The following SFSWAP variants were observed in gnomAD, a reference collection of about 807,000 sequenced individuals.
The protein encoded by SFSWAP is splicing factor, suppressor of white-apricot homolog.
A neutral mutation model predicts 100.7 loss-of-function variants in SFSWAP; 17 were observed. The ratio of observed to expected loss-of-function variants is 0.17; its 90% CI spans 0.12 to 0.25. The LOEUF is 0.25. Among genes scored for constraint, SFSWAP ranks in the 10% least tolerant of loss-of-function variants. SFSWAP has a pLI of 1.00. For synonymous variants in SFSWAP, 504 were observed against 510.1 expected (o/e 0.99, Z 0.16); for missense variants, 1,005 against 1,262.6 (o/e 0.80, Z 3.09).
At chr12:131,795,654 T>G (rs985698966) in intron 15 of SFSWAP, among the ~76,000 whole-genome samples, 1 of 151,736 alleles carries the variant, frequency 6.6e-6, no homozygotes, top group Admixed American at 6.6e-5. Context: ...TTGGGGTAAC[T>G]GGGCCTGTGC....
At chr12:131,757,026 G>A (rs1017912462) in intron 11 of SFSWAP, 2 of 173,796 alleles carry the variant, frequency 1.2e-5, no homozygotes, top group African/African-American at 2.4e-5. Flanking sequence ...ATCTCTACCA[G>A]GCAATACTTC....
chr12:131,725,771 GTC>G lies in SFSWAP; in HGVS notation c.832+143_832+144del. The G allele has an allele frequency of 1.5e-6, 1 of 660,666 alleles. No homozygotes were observed. Among genetic ancestry groups the G allele is most frequent in the Admixed American group, 2.4e-5 (1 of 41,416 alleles). 40.9% of individuals were successfully genotyped at this position (660,666 alleles called of 1,614,324 possible). On this transcript the variant is annotated intron_variant, in intron 5 of 17. Transcript: ENST00000261674. This position sits in a 1 kb window ranked among gnomAD's most constrained non-coding sequence, Gnocchi z 4.3. ...AGCCAGACTCGAATTTCTAGAATGT[GTC>G]TGAAATCCTGCAGCTAAGGCGTGAT...
At chr12:131,738,908 T>TTTTTTTTTTTTTTTTC (rs1227486769) in intron 7 of SFSWAP, among the ~76,000 whole-genome samples, 1 of 122,516 alleles carries the variant, frequency 8.2e-6, no homozygotes, top group Non-Finnish European at 1.7e-5. Flanking sequence ...TTTTTTTTTT[T>TTTTTTTTTTTTTTTTC]TGAGACAGGG....
Position 131,719,493 on chromosome 12 carries a change from C to T in SFSWAP, c.560C>T (p.Pro187Leu), listed in dbSNP as rs889924854. The T allele has an allele frequency of 2.1e-5, 34 of 1,613,886 alleles. No individual in the cohort carries two copies. The highest frequency in any genetic ancestry group is 2.4e-5 in the Non-Finnish European group (28 of 1,180,000). ...EAENLEENEE[P>L]FVAPLGLSVP... ...GAAAATTTAGAGGAAAATGAAGAGC[C>T]CTTCGTTGCCCCCTTAGGATTGAGC... The change falls in exon 4 of 18, where the codon CCC becomes CTC. Residue 187 changes from proline to leucine, a missense_variant. Coordinates refer to ENST00000261674, the MANE Select transcript of SFSWAP (RefSeq NM_004592.4).
At chr12:131,723,726 G>A (rs1479704832) in intron 4 of SFSWAP, among the ~76,000 whole-genome samples, 1 of 152,090 alleles carries the variant, frequency 6.6e-6, no homozygotes, top group Non-Finnish European at 1.5e-5. Context: ...GCATTTGTGT[G>A]GGTTTTCTGA....
chr12:131,723,338 A>C (rs1878663072), intron 4 of SFSWAP: 1 of 152,120 alleles, frequency 6.6e-6, no homozygotes, highest in Non-Finnish European at 1.5e-5. Flanking sequence ...TTGTTTTCTA[A>C]GTGATTGTAC....
rs1879776073 is a variant in SFSWAP, at chr12:131,734,129, T to C, written c.1081+5701T>C. ...CGGAGGCTGGGGAAGCATCAGAGCC[T>C]CTGCTGTGGTGGACGCCAGGTGGCC... On this transcript the variant is annotated intron_variant, in intron 7 of 17. Transcript: ENST00000261674. The surrounding 1 kb of genome is among the most constrained non-coding windows in gnomAD (Gnocchi z 4.9). 6.6e-6 allele frequency among the ~76,000 whole-genome samples: 1 copy of C among 152,216 alleles called. No homozygotes were observed. Among genetic ancestry groups the C allele is most frequent in the Non-Finnish European group, 1.5e-5 (1 of 68,032 alleles).
chr12:131,797,091 C>A, intron 15 of SFSWAP, 87 bp from the exon 16 acceptor site: 1 of 1,276,822 alleles, frequency 7.8e-7, no homozygotes, highest in Non-Finnish European at 1.1e-6. Flanking sequence ...AACTCTTAGC[C>A]AAAAACTGGC....
intron 13 of SFSWAP, among the ~76,000 whole-genome samples, chr12:131,776,938 T>G (rs1250628631): frequency 6.6e-6 from 1 of 152,206 alleles, no homozygotes; most frequent in East Asian, 1.9e-4. Context: ...TGGAAATGTG[T>G]CAGCATGCAT....
chr12:131,785,193 G>A (rs1350194773), intron 14 of SFSWAP: 7 of 1,535,472 alleles, frequency 4.6e-6, no homozygotes, highest in East Asian at 4.9e-5. Flanking sequence ...TTGACTCCGC[G>A]AGCTCTTTTG....
In SFSWAP at chr12:131,753,382, G is replaced by GCTGC. The variant is rs774239441; in HGVS notation, c.1322+24_1322+27dup. The stretch of plus-strand genomic sequence containing the variant: ...CCACAAGGTAGGTGCAGCGTCCACC[G>GCTGC]CTGCCTGCTGTGTGAGTCACTCAGC... On this transcript the variant is annotated intron_variant, in intron 8 of 17. Transcript: ENST00000261674. 15 of 1,600,246 alleles carry GCTGC rather than the reference G, an allele frequency of 9.4e-6. No individual in the cohort carries two copies. The highest frequency in any genetic ancestry group is 1.3e-5 in the African/African-American group (1 of 74,710).
At position 131,755,588 on chromosome 12, in the gene SFSWAP, T is replaced by A. The variant is rs1030824189; in HGVS notation, c.1548+109T>A. 9.7e-6 allele frequency: 7 copies of A among 722,502 alleles called. No homozygotes were observed. In the Admixed American group the frequency reaches 1.1e-4, roughly 11 times the overall value. The allele number at this position is 722,502 out of a possible 1,614,324, so 44.8% of individuals were successfully genotyped here. The stretch of plus-strand genomic sequence containing the variant: ...CCTACAGGTGAAAGGGCTGGGTGAT[T>A]CTTCACCTTTTTTTAATGTGTGTCT... On this transcript the variant is annotated intron_variant, in intron 10 of 17. Coordinates refer to ENST00000261674, the MANE Select transcript of SFSWAP (RefSeq NM_004592.4).
At chr12:131,771,138 G>A (rs1883560679) in intron 13 of SFSWAP, among the ~76,000 whole-genome samples, 1 of 152,170 alleles carries the variant, frequency 6.6e-6, no homozygotes, top group African/African-American at 2.4e-5. Context: ...TGTATGTGGA[G>A]GTGTAAAACC....
intron 7 of SFSWAP, among the ~76,000 whole-genome samples, chr12:131,732,274 A>T (rs1306831887): frequency 6.6e-6 from 1 of 152,236 alleles, no homozygotes; most frequent in African/African-American, 2.4e-5. Flanking sequence ...TAACGTTTGC[A>T]ATGCCGGACA....
In SFSWAP at chr12:131,799,564, T is replaced by C. The variant is rs1885926786; in HGVS notation, c.*76T>C. 30 of 1,248,910 alleles carry C rather than the reference T, an allele frequency of 2.4e-5. No individual in the cohort carries two copies. The South Asian group carries it at 3.3e-4, about 14-fold the overall frequency. 77.4% of individuals were successfully genotyped at this position (1,248,910 alleles called of 1,614,324 possible). A position where few individuals can be genotyped will look rare whatever the true frequency, so the allele number is the denominator to read the frequency against. On this transcript the variant is annotated 3_prime_UTR_variant, in exon 18 of 18. Coordinates refer to ENST00000261674, the MANE Select transcript of SFSWAP (RefSeq NM_004592.4). ...GCTCACGCAGACGCCGGCCACACCA[T>C]CCACCTGGCCGCCTCCATGGACCCT...
intron 14 of SFSWAP, among the ~76,000 whole-genome samples, chr12:131,779,362 C>A (rs1273234381): frequency 6.6e-6 from 1 of 151,856 alleles, no homozygotes; most frequent in African/African-American, 2.4e-5. Context: ...CACTATTAAA[C>A]CAAAGGCCTT....
intron 14 of SFSWAP, chr12:131,785,143 G>A (rs538482752): frequency 5.2e-5 from 80 of 1,535,664 alleles, no homozygotes; most frequent in Non-Finnish European, 6.2e-5. Context: ...AGCGGCAGCC[G>A]AGCCAGGAAG....
intron 14 of SFSWAP, chr12:131,785,047 G>T (rs1416347166): frequency 6.6e-7 from 1 of 1,524,892 alleles, no homozygotes; most frequent in South Asian, 1.2e-5. Flanking sequence ...TATTCTGAAT[G>T]TGAAGTGTGT....
At chr12:131,784,002 A>G (rs1210375726) in intron 14 of SFSWAP, 1 of 151,626 alleles carries the variant, frequency 6.6e-6, no homozygotes, top group African/African-American at 2.4e-5. Context: ...TAAATTGCAT[A>G]GCAAATCCGT....
Sources: allele counts gnomAD v4.1 joint callset (sites outside exome capture counted in the v4.1 genomes callset), GRCh38; gene constraint gnomAD v4.1.1; non-coding constraint Gnocchi (gnomAD v3.1); transcripts MANE v1.5; gene names NCBI Gene and HGNC (gene_info 2026-07-23, HGNC 2026-07-21).